Variants in GLOD4 observed in about 807,000 individuals in gnomAD.
The protein encoded by GLOD4 is glyoxalase domain-containing protein 4.
GLOD4 carries 44 observed loss-of-function variants against 39.1 expected under a neutral mutation model. The observed-to-expected ratio is 1.13, with a 90% CI of 0.88 to 1.45. The LOEUF (loss-of-function observed/expected upper bound fraction) is 1.45, where lower values mean the gene tolerates loss of function less well. Ranked by LOEUF, GLOD4 falls within the 40% of genes most tolerant of loss-of-function variation. The pLI is 0.00. For missense variants in GLOD4, 405 were observed against 366.4 expected (o/e 1.11, Z -0.86); for synonymous variants, 145 against 135.0 (o/e 1.07, Z -0.52).
At chr17:782,746 G>A, upstream of GLOD4, 1 of 1,535,574 alleles carries the variant, frequency 6.5e-7, no homozygotes, top group South Asian at 1.2e-5. Flanking sequence ...CCGTCGCACA[G>A]CGGAACCTTA....
chr17:775,995 C>G (rs1908882207), intron 3 of GLOD4, 76 bp from the exon 4 acceptor site: 1 of 1,105,406 alleles, frequency 9.0e-7, no homozygotes, highest in Non-Finnish European at 1.3e-6. Context: ...AGCCCAACCC[C>G]TATTGCCTAC....
At chr17:767,610 G>A (rs995337631) in intron 8 of GLOD4, among the ~76,000 whole-genome samples, 5 of 150,782 alleles carry the variant, frequency 3.3e-5, no homozygotes, top group East Asian at 3.9e-4. Context: ...TAGAGAGGAC[G>A]TGAGAGAGAG....
chr17:782,787 A>G (rs1204273102), upstream of GLOD4: 2 of 1,318,570 alleles, frequency 1.5e-6, no homozygotes, highest in Non-Finnish European at 2.0e-6. Context: ...TTCTTCCAGT[A>G]CAGCCCGCTG....
At chr17:783,600 G>C, upstream of GLOD4, 1 of 310,232 alleles carries the variant, frequency 3.2e-6, no homozygotes, top group Non-Finnish European at 6.3e-6. Context: ...GCCTCCCAAA[G>C]TGCTGGGATT....
intron 2 of GLOD4, chr17:777,297 AG>A: frequency 2.7e-6 from 1 of 368,806 alleles, no homozygotes; most frequent in Non-Finnish European, 5.1e-6. Flanking sequence ...TCAATCAACA[AG>A]CATGAAATTC....
intron 6 of GLOD4, 26 bp from the exon 7 acceptor site, chr17:770,183 G>C (rs368221029): frequency 6.9e-6 from 9 of 1,298,530 alleles, no homozygotes; most frequent in Admixed American, 1.7e-5. Flanking sequence ...GGCAACGTGA[G>C]CCAGGGGTCA....
At chr17:782,366 G>A (rs16955542), upstream of GLOD4, 28,248 of 1,613,428 alleles carry the variant, frequency 0.018, 362 homozygotes, top group East Asian at 0.071. Context: ...ACGCAGCCCG[G>A]GTCTCAGGGA....
Position 775,912 on chromosome 17 carries a change from G to GT in GLOD4, c.268dup (p.Thr90AsnfsTer5), listed in dbSNP as rs763178751. ...GCTGACAGCCTGGCTAGAAGCGAGC[G>GT]TGATTCCCTACAACAAACAACAGTA... On this transcript the variant is annotated frameshift_variant, in exon 4 of 9. Transcript: ENST00000301329. LOFTEE classifies it high-confidence loss of function. 1.9e-6 allele frequency: 3 copies of GT among 1,612,710 alleles called. No individual in the cohort carries two copies. The highest frequency in any genetic ancestry group is 8.5e-7 in the Non-Finnish European group (1 of 1,178,720).
rs1452615739 is a variant in GLOD4 at position 770,501 on chromosome 17, G to A, written c.550C>T (p.Leu184=). 9 of 1,522,748 alleles carry A rather than the reference G, an allele frequency of 5.9e-6. No homozygotes were observed. Among genetic ancestry groups the A allele is most frequent in the Non-Finnish European group, 7.3e-6 (8 of 1,096,524 alleles). 94.3% of individuals were successfully genotyped at this position (1,522,748 alleles called of 1,614,324 possible). Residue 184 remains leucine (L), a synonymous_variant, in exon 6 of 9, where the codon CTG becomes TTG. Transcript: ENST00000301329. ...CCACCCTTGACGCCCTGTAGCTCCA[G>A]CTTACACTGAAATAGGAAAGGGGGT... ...LLGYADNQCK[L]ELQGVKGGVD... is the part of the protein sequence containing the mutation.
chr17:782,401 C>T (rs768889204), upstream of GLOD4: 2 of 1,613,790 alleles, frequency 1.2e-6, no homozygotes, highest in African/African-American at 1.3e-5. Flanking sequence ...GTGAGACCCG[C>T]GAGGTTTGTC....
chr17:763,170 G>A (rs562856241), intron 8 of GLOD4, among the ~76,000 whole-genome samples: 82 of 141,818 alleles, frequency 5.8e-4, no homozygotes, highest in African/African-American at 1.8e-3. Context: ...GCGACAGAGC[G>A]AGACTCCGTC....
chr17:772,065 T>TGTATTCCCA (rs2144386100), intron 4 of GLOD4, among the ~76,000 whole-genome samples: 1 of 146,152 alleles, frequency 6.8e-6, no homozygotes, highest in Admixed American at 6.9e-5. Flanking sequence ...GGCTCATGTG[T>TGTATTCCCA]GTATTCCCAG....
intron 1 of GLOD4, among the ~76,000 whole-genome samples, chr17:779,319 T>TAAAAAAAA (rs34487169): frequency 6.9e-5 from 3 of 43,358 alleles, no homozygotes; most frequent in African/African-American, 9.9e-5. Flanking sequence ...CATCTCAAAT[T>TAAAAAAAA]AAAAAAAAAA....
At chr17:781,448 G>A (rs1371856154) in intron 1 of GLOD4, among the ~76,000 whole-genome samples, 1 of 152,156 alleles carries the variant, frequency 6.6e-6, no homozygotes, top group Non-Finnish European at 1.5e-5. Context: ...AAAACTCAAC[G>A]TAGTACCCTG....
chr17:780,006 T>C (rs924959562), intron 1 of GLOD4, among the ~76,000 whole-genome samples: 1 of 151,606 alleles, frequency 6.6e-6, no homozygotes, highest in Non-Finnish European at 1.5e-5. Flanking sequence ...CTACTAAAAA[T>C]ACAAAAAATA....
rs754346225 is a variant in GLOD4, at chr17:775,898, G to T, written c.283C>A (p.Gln95Lys). The T allele has an allele frequency of 6.2e-7, 1 of 1,613,272 alleles. No individual in the cohort carries two copies. The highest frequency in any genetic ancestry group is 2.2e-5 in the East Asian group (1 of 44,892). ...AGCTTCCTGGCGTTGCTGACAGCCT[G>T]GCTAGAAGCGAGCGTGATTCCCTAC... ...DFMGITLASS[Q>K]AVSNARKLEW... The change falls in exon 4 of 9, where the codon CAG becomes AAG. Residue 95 changes from glutamine to lysine, a missense_variant. Coordinates refer to ENST00000301329, the MANE Select transcript of GLOD4 (RefSeq NM_016080.4).
chr17:777,128 G>A, intron 2 of GLOD4, 140 bp from the exon 3 acceptor site: 1 of 739,134 alleles, frequency 1.4e-6, no homozygotes, highest in Non-Finnish European at 2.3e-6. Context: ...ACCTCAGATG[G>A]TACAGAAAGC....
intron 8 of GLOD4, among the ~76,000 whole-genome samples, chr17:761,562 C>T (rs1252437966): frequency 2.0e-5 from 3 of 152,128 alleles, no homozygotes; most frequent in Non-Finnish European, 2.9e-5. Context: ...TGGAGTGCAA[C>T]GGCGCCATCT....
intron 1 of GLOD4, among the ~76,000 whole-genome samples, chr17:781,417 G>A (rs1394798059): frequency 6.6e-6 from 1 of 152,158 alleles, no homozygotes; most frequent in Non-Finnish European, 1.5e-5. Flanking sequence ...ATATATCAGG[G>A]TCATTTGCAC....
Sources: allele counts gnomAD v4.1 joint callset (sites outside exome capture counted in the v4.1 genomes callset), GRCh38; gene constraint gnomAD v4.1.1; transcripts MANE v1.5; gene names NCBI Gene and HGNC (gene_info 2026-07-23, HGNC 2026-07-21).